AGBL1: variants seen among roughly 807,000 people sequenced by gnomAD.
The protein encoded by AGBL1 is AGBL carboxypeptidase 1.
A neutral mutation model predicts 118.9 loss-of-function variants in AGBL1; 130 were observed. The observed-to-expected ratio is 1.09, with a 90% confidence interval of 0.95 to 1.26. The LOEUF is 1.26. AGBL1 is among the 50% of genes most tolerant of loss of function. AGBL1 has a pLI of 0.00. For synonymous variants in AGBL1, 555 were observed against 478.9 expected, an observed-to-expected ratio of 1.16 and a Z score of -2.08; for missense variants, 1,584 against 1,298.1, an observed-to-expected ratio of 1.22 and a Z score of -3.38.
rs574256594 is a variant in AGBL1, at chr15:86,089,740, A to G, written c.51+9717A>G. Among the ~76,000 whole-genome samples the G allele has an allele frequency of 2.6e-5, 4 of 152,260 alleles. No individual in the cohort carries two copies. In the East Asian group the frequency reaches 7.7e-4, roughly 29 times the overall value. ...CCTACAGTTTCGACCCAGAGCATCT[A>G]TATCCCAGCCCTCTAAAGACAGAAT... On this transcript the variant is annotated intron_variant, in intron 1 of 22. Transcript: ENST00000614907.
At chr15:86,187,050 A>G (rs2077643675) in intron 5 of AGBL1, among the ~76,000 whole-genome samples, 2 of 152,234 alleles carry the variant, frequency 1.3e-5, no homozygotes, top group Non-Finnish European at 1.5e-5. Flanking sequence ...AAGTTAAAGC[A>G]TTTGTAACTG....
At chr15:86,463,241 G>C (rs2082355893) in intron 18 of AGBL1, among the ~76,000 whole-genome samples, 1 of 151,192 alleles carries the variant, frequency 6.6e-6, no homozygotes, top group African/African-American at 2.4e-5. Flanking sequence ...GTCTTATTTT[G>C]AGAAGTGTCT....
chr15:86,243,346 T>A (rs1164540588), intron 6 of AGBL1, among the ~76,000 whole-genome samples: 1 of 152,158 alleles, frequency 6.6e-6, no homozygotes, highest in Non-Finnish European at 1.5e-5. Context: ...CATGTGAACC[T>A]CAGTTAAGAA....
chr15:86,665,421 G>T (rs1345110674), intron 21 of AGBL1, among the ~76,000 whole-genome samples: 1 of 152,126 alleles, frequency 6.6e-6, no homozygotes, highest in Non-Finnish European at 1.5e-5. Context: ...TCCAGGAGAC[G>T]ATTATGATTT....
intron 22 of AGBL1, among the ~76,000 whole-genome samples, chr15:86,832,263 T>C (rs375374182): frequency 6.6e-6 from 1 of 152,246 alleles, no homozygotes; most frequent in East Asian, 1.9e-4. Flanking sequence ...ATTTGGCTCT[T>C]CGTTACTTAT....
rs867056689 is a variant in AGBL1, at chr15:86,722,237, C to T, written c.3158+47801C>T. Among the ~76,000 whole-genome samples the T allele has an allele frequency of 6.3e-4, 96 of 152,284 alleles. 1 individual carries two copies. The South Asian group carries it at 7.7e-3, about 12-fold the overall frequency. On this transcript the variant is annotated intron_variant, in intron 22 of 22. Coordinates refer to ENST00000614907, the MANE Select transcript of AGBL1 (RefSeq NM_001386094.1). ...CAAAAGAACGAAGCTGGAGGCATCA[C>T]GCTACCTGACTTCAAACTCTACTAC...
intron 23 of AGBL1, among the ~76,000 whole-genome samples, chr15:86,927,776 CACAG>C: frequency 6.6e-6 from 1 of 152,036 alleles, no homozygotes; most frequent in Non-Finnish European, 1.5e-5. Flanking sequence ...TGCTTGCCTA[CACAG>C]ACCTCTAGGG....
intron 22 of AGBL1, among the ~76,000 whole-genome samples, chr15:86,889,560 C>T (rs138398601): frequency 1.1e-4 from 16 of 152,218 alleles, no homozygotes; most frequent in Non-Finnish European, 1.6e-4. Flanking sequence ...TGGCCCCCAA[C>T]GGCAGGCCCC....
intron 21 of AGBL1, among the ~76,000 whole-genome samples, chr15:86,585,376 TTTTA>T (rs1251199350): frequency 7.9e-6 from 1 of 127,264 alleles, no homozygotes; most frequent in African/African-American, 2.7e-5. Context: ...ACAGAACTCC[TTTTA>T]TTGTTTTCTT....
intron 1 of AGBL1, among the ~76,000 whole-genome samples, chr15:86,083,957 A>T (rs1317474169): frequency 6.6e-6 from 1 of 152,192 alleles, no homozygotes; most frequent in Non-Finnish European, 1.5e-5. Flanking sequence ...TTAGATAGCA[A>T]ACACTGTGTA....
At chr15:86,889,215 G>C (rs979883931) in intron 22 of AGBL1, among the ~76,000 whole-genome samples, 1 of 151,876 alleles carries the variant, frequency 6.6e-6, no homozygotes, top group Non-Finnish European at 1.5e-5. Context: ...AAGCATATAA[G>C]ATAGAAAAGA....
At chr15:86,904,374 TGAAG>T (rs2080253057) in intron 22 of AGBL1, among the ~76,000 whole-genome samples, 1 of 150,728 alleles carries the variant, frequency 6.6e-6, no homozygotes, top group South Asian at 2.1e-4. Flanking sequence ...TATATAATAT[TGAAG>T]GAAATTAGGA....
intron 20 of AGBL1, among the ~76,000 whole-genome samples, chr15:86,548,457 A>G (rs1227167641): frequency 6.6e-6 from 1 of 152,160 alleles, no homozygotes; most frequent in Non-Finnish European, 1.5e-5. Flanking sequence ...AAATTTTGAA[A>G]AGCAGCCCTT....
intron 22 of AGBL1, among the ~76,000 whole-genome samples, chr15:86,774,828 A>T (rs931215460): frequency 7.2e-5 from 11 of 152,092 alleles, no homozygotes; most frequent in African/African-American, 2.7e-4. Context: ...GAGGGCTGGG[A>T]TAGAAGTATA....
At chr15:86,794,391 A>C (rs1469762634) in intron 22 of AGBL1, among the ~76,000 whole-genome samples, 1 of 152,226 alleles carries the variant, frequency 6.6e-6, no homozygotes, top group Non-Finnish European at 1.5e-5. Context: ...TGGAATGGCC[A>C]AAATAGGCAA....
rs756003611 is a variant in AGBL1 at position 86,522,800 on chromosome 15, G to C, written c.2556-10G>C. ...ATGTGTATTTATTTGCTTATTATTT[G>C]TTCCTGTAGCCACAGATGCTCACTG... On this transcript the variant is annotated splice_polypyrimidine_tract_variant and intron_variant, in intron 18 of 22. Coordinates refer to ENST00000614907, the MANE Select transcript of AGBL1 (RefSeq NM_001386094.1). The C allele has an allele frequency of 1.2e-6, 2 of 1,612,490 alleles. No individual in the cohort carries two copies. Among genetic ancestry groups the C allele is most frequent in the Admixed American group, 3.3e-5 (2 of 59,862 alleles).
At chr15:86,268,437 G>A (rs986246394) in intron 13 of AGBL1, among the ~76,000 whole-genome samples, 1 of 152,162 alleles carries the variant, frequency 6.6e-6, no homozygotes, top group African/African-American at 2.4e-5. Context: ...ACCTGATTAT[G>A]AGTCTCCTGG....
At chr15:86,533,723 C>T (rs1051459431) in intron 19 of AGBL1, among the ~76,000 whole-genome samples, 1 of 116,674 alleles carries the variant, frequency 8.6e-6, no homozygotes, top group African/African-American at 4.5e-5. Flanking sequence ...AAATGTCCAA[C>T]AATGATAGAC....
rs183288599 is a variant in AGBL1 at position 86,259,792 on chromosome 15, C to T, written c.969+1761C>T. 3.0e-3 allele frequency among the ~76,000 whole-genome samples: 455 copies of T among 152,356 alleles called. 5 individuals carry two copies. The highest frequency in any genetic ancestry group is 0.01 in the African/African-American group (425 of 41,588). Reference sequence around the variant, plus strand: ...TCATTCATCAATGCCACTTTCCCCTCCCCTCTTGCTTGCTCTTTGATAACT... The same window carrying T: ...TCATTCATCAATGCCACTTTCCCCTTCCCTCTTGCTTGCTCTTTGATAACT... On this transcript the variant is annotated intron_variant, in intron 9 of 22. Transcript: ENST00000614907.
Sources: gnomAD v4.1 joint callset for allele counts (sites outside exome capture counted in the v4.1 genomes callset) on GRCh38, gnomAD v4.1.1 for gene constraint, MANE v1.5 for transcripts, NCBI Gene and HGNC (gene_info 2026-07-23, HGNC 2026-07-21) for gene names.